MYRIP: variants seen among roughly 807,000 people sequenced by gnomAD.
The protein encoded by MYRIP is myosin VIIA and Rab interacting protein.
A neutral mutation model predicts 98.0 loss-of-function variants in MYRIP; 49 were observed. The observed-to-expected ratio is 0.50, with a 90% CI of 0.40 to 0.63. MYRIP has a LOEUF of 0.63. Among genes scored for constraint, MYRIP ranks in the 30% least tolerant of loss-of-function variants. The pLI is 0.00. For synonymous variants in MYRIP, 404 were observed against 409.5 expected (o/e 0.99, Z 0.16); for missense variants, 1,004 against 1,058.2 (o/e 0.95, Z 0.71).
chr3:39,924,189 CA>C (rs1944363680), intron 2 of MYRIP, among the ~76,000 whole-genome samples: 1 of 151,884 alleles, frequency 6.6e-6, no homozygotes, highest in African/African-American at 2.4e-5. Context: ...TACAAATTAG[CA>C]AAGTGGATTT....
chr3:40,091,601 C>G (rs1948738618), intron 3 of MYRIP, among the ~76,000 whole-genome samples: 1 of 152,172 alleles, frequency 6.6e-6, no homozygotes, highest in African/African-American at 2.4e-5. Context: ...AAATACTAAG[C>G]ACACACTTTT....
In MYRIP at chr3:40,100,127, C is replaced by T. The variant is rs1422839282; in HGVS notation, c.333-50921C>T. On this transcript the variant is annotated intron_variant, in intron 3 of 16. Coordinates refer to ENST00000302541, the MANE Select transcript of MYRIP (RefSeq NM_015460.4). Reference sequence around the variant, plus strand: ...TATCCTCTGTCTGGGCTTTTCTGGCCATGAGGACATGGAGTGAAGATTTTG... The same window carrying T: ...TATCCTCTGTCTGGGCTTTTCTGGCTATGAGGACATGGAGTGAAGATTTTG... 3.0e-6 allele frequency: 3 copies of T among 985,270 alleles called. No individual in the cohort carries two copies. In the East Asian group the frequency reaches 3.4e-4, roughly 112 times the overall value. 61.0% of individuals were successfully genotyped at this position (985,270 alleles called of 1,614,324 possible). A position where few individuals can be genotyped will look rare whatever the true frequency, so the allele number is the denominator to read the frequency against.
chr3:40,055,924 G>T (rs921188278), intron 3 of MYRIP, among the ~76,000 whole-genome samples: 1 of 152,232 alleles, frequency 6.6e-6, no homozygotes, highest in South Asian at 2.1e-4. Context: ...AATCGAAAAT[G>T]ACTAAATCCA....
rs576974266 is a variant in MYRIP at position 40,059,412 on chromosome 3, G to A, written c.332+15141G>A. 5.4e-3 allele frequency among the ~76,000 whole-genome samples: 820 copies of A among 152,304 alleles called. 1 individual carries two copies. The highest frequency in any genetic ancestry group is 0.024 in the Middle Eastern group (7 of 294). ...ACACTCCCACCAACAGTGTAAAAGC[G>A]TTCCTGTTTCTCCACATCCTCTCCA... On this transcript the variant is annotated intron_variant, in intron 3 of 16. Transcript: ENST00000302541.
chr3:39,888,966 A>C (rs1156255775), intron 1 of MYRIP, among the ~76,000 whole-genome samples: 1 of 152,212 alleles, frequency 6.6e-6, no homozygotes, highest in Non-Finnish European at 1.5e-5. Flanking sequence ...ATGCAAATCA[A>C]AACCACAATG....
chr3:39,826,109 TA>T (rs1490806672), intron 1 of MYRIP, among the ~76,000 whole-genome samples: 2 of 150,404 alleles, frequency 1.3e-5, no homozygotes, highest in South Asian at 2.1e-4. Flanking sequence ...ATTTTGTTTA[TA>T]TTTTTTTAAA....
intron 2 of MYRIP, among the ~76,000 whole-genome samples, chr3:40,003,449 A>C (rs901495669): frequency 6.6e-6 from 1 of 152,232 alleles, no homozygotes; most frequent in African/African-American, 2.4e-5. Context: ...ATAGGATTTC[A>C]CTGGTTCAGA....
chr3:39,917,861 C>T (rs1205760915), intron 2 of MYRIP, among the ~76,000 whole-genome samples: 1 of 152,046 alleles, frequency 6.6e-6, no homozygotes, highest in African/African-American at 2.4e-5. Context: ...TTCTATTAAA[C>T]TTTCCAAACT....
rs187353260 is a variant in MYRIP, at chr3:40,221,925, T to C, written c.1905+11832T>C. 1.7e-4 allele frequency among the ~76,000 whole-genome samples: 26 copies of C among 152,152 alleles called. No homozygotes were observed. The East Asian group carries it at 4.6e-3, about 27-fold the overall frequency. On this transcript the variant is annotated intron_variant, in intron 11 of 16. Transcript: ENST00000302541. ...AGGGATTCTTGGAGATACGGGGAGA[T>C]GGAGTTCAGATAACAGATGGGACAT...
intron 3 of MYRIP, among the ~76,000 whole-genome samples, chr3:40,066,593 T>G (rs1948132006): frequency 6.6e-6 from 1 of 152,212 alleles, no homozygotes; most frequent in South Asian, 2.1e-4. Context: ...CTAGTTTGAA[T>G]GTATGTCAGA....
At chr3:40,113,425 A>G (rs1949202036) in intron 3 of MYRIP, among the ~76,000 whole-genome samples, 1 of 152,150 alleles carries the variant, frequency 6.6e-6, no homozygotes, top group African/African-American at 2.4e-5. Flanking sequence ...GATTACAGGC[A>G]TGAGCCACCA....
chr3:40,079,267 GCTATCC>G (rs1948423394), intron 3 of MYRIP, among the ~76,000 whole-genome samples: 1 of 152,224 alleles, frequency 6.6e-6, no homozygotes, highest in Non-Finnish European at 1.5e-5. Flanking sequence ...CCATACCAAG[GCTATCC>G]TGGGCAACTG....
intron 11 of MYRIP, among the ~76,000 whole-genome samples, chr3:40,221,666 G>C (rs1432900755): frequency 6.6e-6 from 1 of 152,154 alleles, no homozygotes; most frequent in Non-Finnish European, 1.5e-5. Flanking sequence ...TGTTGGTAAG[G>C]GTTCAGGAAA....
chr3:40,146,549 G>A (rs1950013834), intron 3 of MYRIP, among the ~76,000 whole-genome samples: 1 of 152,160 alleles, frequency 6.6e-6, no homozygotes, highest in Non-Finnish European at 1.5e-5. Flanking sequence ...CTGCCCCACA[G>A]CCCCTGTCTG....
In MYRIP at chr3:39,971,473, A is replaced by G. The variant is rs182560174; in HGVS notation, c.110+70547A>G. ...TAGTCTAGATTACTGTGCTTTACTT[A>G]TAAGTACAATTTAGATCATAAATCA... is the stretch of plus-strand genomic sequence containing the variant. On this transcript the variant is annotated intron_variant, in intron 2 of 16. Transcript: ENST00000302541. Among the ~76,000 whole-genome samples, 5 of 152,178 alleles carry G rather than the reference A, an allele frequency of 3.3e-5. No homozygotes were observed. In the East Asian group the frequency reaches 5.8e-4, roughly 18 times the overall value.
At chr3:40,137,178 G>A (rs1245894709) in intron 3 of MYRIP, among the ~76,000 whole-genome samples, 6 of 152,018 alleles carry the variant, frequency 3.9e-5, no homozygotes, top group African/African-American at 1.2e-4. Flanking sequence ...TCAAATAGAC[G>A]CAATAGAAAA....
chr3:40,024,252 C>T (rs2125810361), intron 2 of MYRIP, among the ~76,000 whole-genome samples: 1 of 152,296 alleles, frequency 6.6e-6, no homozygotes, highest in African/African-American at 2.4e-5. Context: ...CTGTCGTATG[C>T]ACTGTGGCTG....
chr3:40,053,044 A>G (rs1033179406), intron 3 of MYRIP, among the ~76,000 whole-genome samples: 4 of 152,158 alleles, frequency 2.6e-5, no homozygotes, highest in Non-Finnish European at 5.9e-5. Context: ...TTTTCCATTT[A>G]GTTTCCAAGT....
intron 2 of MYRIP, among the ~76,000 whole-genome samples, chr3:40,035,782 G>A (rs1281467985): frequency 6.6e-6 from 1 of 151,774 alleles, no homozygotes; most frequent in Non-Finnish European, 1.5e-5. Context: ...TTAAAAGAAG[G>A]TATAGGAACC....
Sources: gnomAD v4.1 joint callset for allele counts (sites outside exome capture counted in the v4.1 genomes callset) on GRCh38, gnomAD v4.1.1 for gene constraint, MANE v1.5 for transcripts, NCBI Gene and HGNC (gene_info 2026-07-23, HGNC 2026-07-21) for gene names.